The following TACR3 variants were observed in gnomAD, a reference collection of about 807,000 sequenced individuals.
TACR3 encodes the protein neuromedin-K receptor.
TACR3 carries 34 observed loss-of-function variants against 35.0 expected under a neutral mutation model. The ratio of observed to expected loss-of-function variants is 0.97; its 90% CI spans 0.74 to 1.30. The LOEUF (loss-of-function observed/expected upper bound fraction) is 1.30, where lower values mean the gene tolerates loss of function less well. Ranked by LOEUF, TACR3 falls within the 50% of genes most tolerant of loss-of-function variation. The probability of loss-of-function intolerance (pLI) is 0.00; values close to 1 mark genes in which losing one functional copy is unlikely to be tolerated. For missense variants in TACR3, 558 were observed against 591.7 expected (o/e 0.94, Z 0.59); for synonymous variants, 233 against 221.1 (o/e 1.05, Z -0.48).
intron 3 of TACR3, among the ~76,000 whole-genome samples, chr4:103,650,316 C>A (rs1199044227): frequency 6.6e-6 from 1 of 151,546 alleles, no homozygotes; most frequent in Non-Finnish European, 1.5e-5. Context: ...CTGGGGTTCA[C>A]CCAAAGCCTG....
intron 1 of TACR3, among the ~76,000 whole-genome samples, chr4:103,677,164 G>A (rs757647940): frequency 4.6e-5 from 7 of 152,108 alleles, no homozygotes; most frequent in Non-Finnish European, 8.8e-5. Context: ...ATGAGATACC[G>A]TCTCACACCA....
chr4:103,616,991 A>T (rs984819308), intron 3 of TACR3, among the ~76,000 whole-genome samples: 1 of 152,212 alleles, frequency 6.6e-6, no homozygotes, highest in Non-Finnish European at 1.5e-5. Context: ...CCAGACCTCC[A>T]CAAATCTGAG....
At chr4:103,709,096 A>T (rs1200487859) in intron 1 of TACR3, among the ~76,000 whole-genome samples, 1 of 152,240 alleles carries the variant, frequency 6.6e-6, no homozygotes, top group Non-Finnish European at 1.5e-5. Context: ...GATATTATCC[A>T]GGAGAATTTC....
intron 3 of TACR3, among the ~76,000 whole-genome samples, chr4:103,627,865 C>T (rs1019643314): frequency 3.9e-5 from 6 of 152,164 alleles, no homozygotes; most frequent in Non-Finnish European, 8.8e-5. Flanking sequence ...CCACATCACA[C>T]TTATTCTAAA....
chr4:103,651,728 C>T lies in TACR3; in HGVS notation c.888+4466G>A, dbSNP rs191284283. Among the ~76,000 whole-genome samples, 4 of 152,100 alleles carry T rather than the reference C, an allele frequency of 2.6e-5. No individual in the cohort carries two copies. The East Asian group carries it at 7.8e-4, about 30-fold the overall frequency. The stretch of plus-strand genomic sequence containing the variant: ...ACTTGAAGCTAGCATGTCTCAGGCT[C>T]ACCCAAGGCCCATGGTGTACTACCT... On this transcript the variant is annotated intron_variant, in intron 3 of 4. Coordinates refer to ENST00000304883, the MANE Select transcript of TACR3 (RefSeq NM_001059.3).
At chr4:103,606,078 G>C (rs952557510) in intron 3 of TACR3, among the ~76,000 whole-genome samples, 7 of 151,914 alleles carry the variant, frequency 4.6e-5, no homozygotes, top group African/African-American at 1.5e-4. Flanking sequence ...TGATTAAATA[G>C]GGAATCCTTT....
At chr4:103,597,611 C>A (rs28800169) in intron 3 of TACR3, among the ~76,000 whole-genome samples, 1 of 151,654 alleles carries the variant, frequency 6.6e-6, no homozygotes, top group East Asian at 1.9e-4. Flanking sequence ...CCCGTCCCCC[C>A]ACCCCACAAG....
At chr4:103,639,688 CA>C (rs1221768978) in intron 3 of TACR3, among the ~76,000 whole-genome samples, 1 of 151,890 alleles carries the variant, frequency 6.6e-6, no homozygotes, top group Non-Finnish European at 1.5e-5. Context: ...CAGAAATAAT[CA>C]GTATAATACA....
At chr4:103,621,406 A>G (rs1413432507) in intron 3 of TACR3, among the ~76,000 whole-genome samples, 1 of 152,198 alleles carries the variant, frequency 6.6e-6, no homozygotes, top group Non-Finnish European at 1.5e-5. Context: ...CCATTAAAGA[A>G]TTTTAATAAG....
chr4:103,621,622 T>C lies in TACR3; in HGVS notation c.889-29939A>G, dbSNP rs141287361. On this transcript the variant is annotated intron_variant, in intron 3 of 4. Coordinates refer to ENST00000304883, the MANE Select transcript of TACR3 (RefSeq NM_001059.3). ...TTAATTTGAAGGTCCTTGTCATTCA[T>C]TGAACATTGATTAAGGAAAGGGAAA... Among the ~76,000 whole-genome samples, 143 of 152,318 alleles carry C rather than the reference T, an allele frequency of 9.4e-4. 4 individuals are homozygous for C. The East Asian group carries it at 0.025, about 27-fold the overall frequency.
At chr4:103,706,624 T>TG (rs1560539505) in intron 1 of TACR3, among the ~76,000 whole-genome samples, 2 of 151,964 alleles carry the variant, frequency 1.3e-5, no homozygotes, top group South Asian at 4.1e-4. Context: ...AATAAAAAAC[T>TG]GGGGGGAGCA....
intron 1 of TACR3, among the ~76,000 whole-genome samples, chr4:103,709,202 C>T (rs576038266): frequency 6.6e-5 from 10 of 152,152 alleles, no homozygotes; most frequent in African/African-American, 9.6e-5. Context: ...GACGCATAAT[C>T]GTCAGATTCA....
At chr4:103,698,406 GT>G (rs1349945552) in intron 1 of TACR3, among the ~76,000 whole-genome samples, 4,138 of 152,028 alleles carry the variant, frequency 0.027, 207 homozygotes, top group African/African-American at 0.095. Flanking sequence ...CATTTGAAAA[GT>G]CTCAAATCTT....
chr4:103,656,168 G>T (rs373465053), intron 3 of TACR3, 26 bp downstream of exon 3: 1 of 1,611,554 alleles, frequency 6.2e-7, no homozygotes, highest in Non-Finnish European at 8.5e-7. Flanking sequence ...CTATACAAAT[G>T]CTAGGTAAAC....
In TACR3 at chr4:103,587,577, G is replaced by A. The variant is rs1391354953; in HGVS notation, c.*2105C>T. On this transcript the variant is annotated 3_prime_UTR_variant, in exon 5 of 5. Transcript: ENST00000304883. ...CAGGAGTTATATTTTTCAAATGTAT[G>A]ATACTTTGGTAGTGGCTGATGACAT... 1 of 152,028 alleles carries A rather than the reference G, an allele frequency of 6.6e-6. No homozygotes were observed. Among genetic ancestry groups the A allele is most frequent in the East Asian group, 1.9e-4 (1 of 5,194 alleles). The allele number at this position is 152,028 out of a possible 1,614,324, so 9.4% of individuals were successfully genotyped here.
At chr4:103,670,003 G>A (rs1413384538) in intron 1 of TACR3, among the ~76,000 whole-genome samples, 1 of 152,002 alleles carries the variant, frequency 6.6e-6, no homozygotes, top group Non-Finnish European at 1.5e-5. Flanking sequence ...TATGGTGAGA[G>A]ATAGAGGTCT....
At chr4:103,610,296 CT>C (rs1401803790) in intron 3 of TACR3, among the ~76,000 whole-genome samples, 1 of 151,750 alleles carries the variant, frequency 6.6e-6, no homozygotes, top group Non-Finnish European at 1.5e-5. Context: ...TATTTTTTGT[CT>C]TTTTCATAAT....
intron 3 of TACR3, among the ~76,000 whole-genome samples, chr4:103,624,841 T>A (rs1471283133): frequency 6.6e-6 from 1 of 152,162 alleles, no homozygotes; most frequent in Non-Finnish European, 1.5e-5. Flanking sequence ...GGGTAGGTAT[T>A]TGGAAGTTTG....
chr4:103,643,936 C>T (rs1725407495), intron 3 of TACR3, among the ~76,000 whole-genome samples: 1 of 151,732 alleles, frequency 6.6e-6, no homozygotes, highest in Non-Finnish European at 1.5e-5. Flanking sequence ...TTGCCAAACA[C>T]TGAAAGGCTT....
Sources: gnomAD v4.1 joint callset for allele counts (sites outside exome capture counted in the v4.1 genomes callset) on GRCh38, gnomAD v4.1.1 for gene constraint, MANE v1.5 for transcripts, NCBI Gene and HGNC (gene_info 2026-07-23, HGNC 2026-07-21) for gene names.